TEX11: variants seen among roughly 807,000 people sequenced by gnomAD.
TEX11 encodes the protein testis expressed 11, also known as testis-expressed protein 11.
In TEX11, 7 loss-of-function variants were observed where a neutral mutation model predicts 84.4. The observed-to-expected ratio is 0.08, with a 90% CI of 0.05 to 0.16. The LOEUF (loss-of-function observed/expected upper bound fraction) is 0.16, where lower values mean the gene tolerates loss of function less well. Ranked by LOEUF, TEX11 falls within the 10% of genes least tolerant of loss-of-function variation. The probability of loss-of-function intolerance (pLI) is 1.00; values close to 1 mark genes in which losing one functional copy is unlikely to be tolerated. For missense variants in TEX11, 551 were observed against 660.5 expected (o/e 0.83, Z 1.82); for synonymous variants, 264 against 222.8 (o/e 1.18, Z -1.64).
chrX:70,858,716 T>C (rs1156489306), intron 5 of TEX11, among the ~76,000 whole-genome samples: 1 of 111,280 alleles, frequency 9.0e-6, no homozygotes, highest in African/African-American at 3.3e-5. Context: ...ATGGGCAAAA[T>C]TATACATGTT....
chrX:70,713,739 C>T (rs1472753497), intron 13 of TEX11, among the ~76,000 whole-genome samples: 7 of 110,963 alleles, frequency 6.3e-5, no homozygotes, highest in Non-Finnish European at 1.1e-4. Context: ...TTTCAAAAAA[C>T]CAGCTCCTGG....
intron 4 of TEX11, among the ~76,000 whole-genome samples, chrX:70,864,869 C>T (rs1312549475): frequency 9.1e-6 from 1 of 110,483 alleles, no homozygotes; most frequent in Non-Finnish European, 1.9e-5. Flanking sequence ...GACCACCAGG[C>T]CTGCCTTACA....
chrX:70,890,275 G>A (rs749133696), intron 2 of TEX11, among the ~76,000 whole-genome samples: 2 of 111,204 alleles, frequency 1.8e-5, no homozygotes. Flanking sequence ...CAACGTGATC[G>A]ACACAGAAGA....
At chrX:70,698,730 TC>T (rs139961456) in intron 13 of TEX11, among the ~76,000 whole-genome samples, 59,168 of 109,463 alleles carry the variant, frequency 0.54, 13,145 homozygotes, top group Middle Eastern at 0.72. Flanking sequence ...TATGGGAACC[TC>T]CCAGCTTGAG....
chrX:70,599,534 T>C (rs952975530), intron 24 of TEX11, among the ~76,000 whole-genome samples: 2 of 111,267 alleles, frequency 1.8e-5, no homozygotes, highest in East Asian at 5.6e-4. Context: ...TTTTTTATTA[T>C]TATACTTTAA....
rs746657583 is a variant in TEX11 at position 70,678,813 on chromosome X, A to C, written c.1233T>G (p.Ser411Arg). 25 of 1,201,729 alleles carry C rather than the reference A, an allele frequency of 2.1e-5. No homozygotes were observed. Among genetic ancestry groups the C allele is most frequent in the Non-Finnish European group, 2.7e-5 (24 of 891,951 alleles). The change falls in exon 15 of 30, where the codon AGT (serine) becomes AGG (arginine). Residue 411 changes from serine (S) to arginine (R), a missense_variant. Coordinates refer to ENST00000374333, the MANE Select transcript of TEX11 (RefSeq NM_031276.3). ...LHNILWRQAA[S>R]SFEVQNYTDA... ...GAGATTATTCTCAAACCTCAAAACT[A>C]CTGGCAGCTTGTCTCCACAGAATGT... is the stretch of plus-strand genomic sequence containing the variant.
At chrX:70,755,811 C>T (rs1048265173) in intron 9 of TEX11, among the ~76,000 whole-genome samples, 2 of 112,449 alleles carry the variant, frequency 1.8e-5, no homozygotes, top group African/African-American at 3.2e-5. Context: ...CCGGGAAGCA[C>T]AAGGGGTCTG....
At chrX:70,709,711 C>A (rs1253350792) in intron 13 of TEX11, among the ~76,000 whole-genome samples, 2 of 94,516 alleles carry the variant, frequency 2.1e-5, no homozygotes, top group Non-Finnish European at 4.3e-5. Context: ...TAACATTCAA[C>A]AGTGTGTTCA....
chrX:70,515,679 C>G, the TEX11 span, among the ~76,000 whole-genome samples: 1 of 112,263 alleles, frequency 8.9e-6, no homozygotes, highest in South Asian at 3.7e-4. Context: ...AGTTCTAGAT[C>G]CTTGAGGAAT....
intron 24 of TEX11, among the ~76,000 whole-genome samples, chrX:70,599,527 T>TTA (rs1464441922): frequency 9.0e-6 from 1 of 111,431 alleles, no homozygotes; most frequent in Non-Finnish European, 1.9e-5. Flanking sequence ...TTCTTTTTTT[T>TTA]TTATTATTAT....
intron 13 of TEX11, among the ~76,000 whole-genome samples, chrX:70,714,718 C>T (rs1415308575): frequency 2.7e-5 from 3 of 111,568 alleles, no homozygotes; most frequent in Non-Finnish European, 5.7e-5. Context: ...CTGAATACAG[C>T]ACACTGATGG....
intron 9 of TEX11, among the ~76,000 whole-genome samples, chrX:70,776,561 C>G (rs1354827054): frequency 1.5e-4 from 15 of 100,608 alleles, no homozygotes; most frequent in African/African-American, 5.2e-4. Context: ...GAGACCCTGT[C>G]TTGGAAAAAA....
At chrX:70,525,699 A>G (rs913400530), downstream of TEX11, among the ~76,000 whole-genome samples, 86 of 112,272 alleles carry the variant, frequency 7.7e-4, no homozygotes, top group African/African-American at 2.7e-3. Flanking sequence ...GGAAATGGAC[A>G]TTAATCAAAT....
intron 11 of TEX11, 29 bp from the exon 12 acceptor site, chrX:70,725,372 A>T: frequency 9.5e-7 from 1 of 1,057,016 alleles, no homozygotes; most frequent in Non-Finnish European, 1.3e-6. Flanking sequence ...TCACAATGAT[A>T]TTAAAATTGT....
chrX:70,536,506 T>C (rs934016978), intron 28 of TEX11, among the ~76,000 whole-genome samples: 4 of 112,169 alleles, frequency 3.6e-5, no homozygotes, highest in African/African-American at 1.3e-4. Flanking sequence ...TTAACCACTA[T>C]GCTATAACGC....
intron 4 of TEX11, among the ~76,000 whole-genome samples, chrX:70,863,737 T>C (rs997162780): frequency 9.0e-5 from 10 of 111,381 alleles, no homozygotes; most frequent in African/African-American, 2.9e-4. Context: ...GTTTGACAAA[T>C]TGACAGAAGT....
At chrX:70,517,488 G>C in the TEX11 span, among the ~76,000 whole-genome samples, 3 of 111,060 alleles carry the variant, frequency 2.7e-5, no homozygotes, top group Admixed American at 1.9e-4. Flanking sequence ...GATCTTGGTG[G>C]ATAAGCTTTT....
chrX:70,720,513 TATA>T (rs1741800550), intron 13 of TEX11, among the ~76,000 whole-genome samples: 1 of 108,994 alleles, frequency 9.2e-6, no homozygotes, highest in Non-Finnish European at 1.9e-5. Flanking sequence ...GAACTTAAAG[TATA>T]ATAAAAAAAG....
At chrX:70,775,543 A>T (rs752112950) in intron 9 of TEX11, among the ~76,000 whole-genome samples, 2 of 110,494 alleles carry the variant, frequency 1.8e-5, no homozygotes, top group African/African-American at 6.6e-5. Context: ...GACATTATTC[A>T]AAAGAAGACA....
Sources: gnomAD v4.1 joint callset for allele counts (sites outside exome capture counted in the v4.1 genomes callset) on GRCh38, gnomAD v4.1.1 for gene constraint, MANE v1.5 for transcripts, NCBI Gene and HGNC (gene_info 2026-07-23, HGNC 2026-07-21) for gene names.